ZNF740: variants seen among roughly 807,000 people sequenced by gnomAD.
ZNF740 encodes the protein oriLyt TD-element-binding protein 7.
ZNF740 carries 14 observed loss-of-function variants against 24.8 expected under a neutral mutation model. The ratio of observed to expected loss-of-function variants is 0.56; its 90% CI spans 0.37 to 0.88. The LOEUF (loss-of-function observed/expected upper bound fraction) is 0.88. Ranked by LOEUF, ZNF740 falls within the 40% of genes least tolerant of loss-of-function variation. The pLI, the probability that ZNF740 is intolerant of heterozygous loss-of-function variation, is 0.00. For missense variants in ZNF740, 201 were observed against 247.9 expected (o/e 0.81, Z 1.27); for synonymous variants, 69 against 84.0 (o/e 0.82, Z 0.98).
In ZNF740 at chr12:53,193,451, C is replaced by T; in HGVS notation, c.*5861C>T. The T allele has an allele frequency of 1.0e-6, 1 of 990,992 alleles. No individual in the cohort carries two copies. The highest frequency in any genetic ancestry group is 2.6e-5 in the East Asian group (1 of 37,878). 61.4% of individuals were successfully genotyped at this position (990,992 alleles called of 1,614,324 possible). ...TCCCAGGAACCTCTAAACCCAAGTTCTCAAAAGAGTTGGAGACAGACAAAC... is the reference window on the plus strand; with the variant it reads ...TCCCAGGAACCTCTAAACCCAAGTTTTCAAAAGAGTTGGAGACAGACAAAC... On this transcript the variant is annotated 3_prime_UTR_variant, in exon 7 of 7. Transcript: ENST00000416904.
chr12:53,183,171 C>G (rs921976484), intron 2 of ZNF740, among the ~76,000 whole-genome samples: 3 of 152,228 alleles, frequency 2.0e-5, no homozygotes, highest in African/African-American at 7.2e-5. Flanking sequence ...TGTATTCAGT[C>G]TTCTGAGAAT....
In ZNF740 at chr12:53,186,446, C is replaced by T. The variant is rs1941822843; in HGVS notation, c.429C>T (p.His143=). Residue 143 remains histidine (H), a synonymous_variant, in exon 6 of 7, where the codon CAC becomes CAT. Coordinates refer to ENST00000416904, the MANE Select transcript of ZNF740 (RefSeq NM_001004304.4). Reference sequence around the variant, plus strand: ...ATATGCGTTTCATCCAGAAGTACCACCTGGAACGCCACAAGCGTGTGCACA... The same window carrying T: ...ATATGCGTTTCATCCAGAAGTACCATCTGGAACGCCACAAGCGTGTGCACA... ...ICDMRFIQKY[H]LERHKRVHSG... 1 of 1,593,584 alleles carries T rather than the reference C, an allele frequency of 6.3e-7. No individual in the cohort carries two copies. The highest frequency in any genetic ancestry group is 1.3e-5 in the African/African-American group (1 of 74,750).
Position 53,193,281 on chromosome 12 carries a change from C to G in ZNF740, c.*5691C>G. 1 of 1,613,192 alleles carries G rather than the reference C, an allele frequency of 6.2e-7. No individual in the cohort carries two copies. Among genetic ancestry groups the G allele is most frequent in the Non-Finnish European group, 8.5e-7 (1 of 1,179,302 alleles). ...CACAGGGGCCCTGTGCCATTGGGAG[C>G]CCGGCACCCAGATTCCAGGTCTGGG... On this transcript the variant is annotated 3_prime_UTR_variant, in exon 7 of 7. Coordinates refer to ENST00000416904, the MANE Select transcript of ZNF740 (RefSeq NM_001004304.4).
In ZNF740 at chr12:53,191,877, T is replaced by TTGC. The variant is rs1941962448; in HGVS notation, c.*4292_*4294dup. The TTGC allele has an allele frequency of 1.2e-6, 2 of 1,613,330 alleles. No homozygotes were observed. On this transcript the variant is annotated 3_prime_UTR_variant, in exon 7 of 7. Transcript: ENST00000416904. ...TCCTCACCTGCTTCCAGTTGAGTTG[T>TTGC]TGCTGCTCCTTCTCAAAGCGACTGT...
Position 53,187,791 on chromosome 12 carries a change from C to CATACAGCATTCCT in ZNF740, c.*201_*202insATACAGCATTCCT. 1.8e-6 allele frequency: 1 copy of CATACAGCATTCCT among 560,822 alleles called. No homozygotes were observed. The highest frequency in any genetic ancestry group is 3.2e-6 in the Non-Finnish European group (1 of 311,676). 34.7% of individuals were successfully genotyped at this position (560,822 alleles called of 1,614,324 possible). A position where few individuals can be genotyped will look rare whatever the true frequency, so the allele number is the denominator to read the frequency against. On this transcript the variant is annotated 3_prime_UTR_variant, in exon 7 of 7. Transcript: ENST00000416904. ...AAATAATCTGAGACTATGAGTATCT[C>CATACAGCATTCCT]GGGGAAGTTCTTACAGCATTCCTGG...
chr12:53,181,045 G>A, intron 1 of ZNF740: 1 of 883,652 alleles, frequency 1.1e-6, no homozygotes, highest in Non-Finnish European at 1.4e-6. Context: ...CCCCGGCCCG[G>A]GAGAGGGCTC....
Position 53,191,639 on chromosome 12 carries a change from G to T in ZNF740, c.*4049G>T, listed in dbSNP as rs773654187. 1.2e-6 allele frequency: 2 copies of T among 1,612,082 alleles called. No homozygotes were observed. The highest frequency in any genetic ancestry group is 1.7e-6 in the Non-Finnish European group (2 of 1,178,128). ...CTTTTGTAGAGAGGATTACTGTCCT[G>T]GAGAAAGATGTTGCAGATTATAAGC... On this transcript the variant is annotated 3_prime_UTR_variant, in exon 7 of 7. Coordinates refer to ENST00000416904, the MANE Select transcript of ZNF740 (RefSeq NM_001004304.4).
At chr12:53,184,150 T>TGTGTGCGCGCGCGCGCGC (rs59250662) in intron 2 of ZNF740, among the ~76,000 whole-genome samples, 1 of 104,344 alleles carries the variant, frequency 9.6e-6, no homozygotes, top group African/African-American at 3.7e-5. Context: ...TGTGTGTGTG[T>TGTGTGCGCGCGCGCGCGC]GCGCGCGCGC....
rs1941931622 is a variant in ZNF740, at chr12:53,191,222, C to T, written c.*3632C>T. ...TTCGCGCTTGGGCACCTCTCCCTGCCCTCAGGTGGCAAGAGGAGGATGGAC... is the reference window on the plus strand; with the variant it reads ...TTCGCGCTTGGGCACCTCTCCCTGCTCTCAGGTGGCAAGAGGAGGATGGAC... On this transcript the variant is annotated 3_prime_UTR_variant, in exon 7 of 7. Coordinates refer to ENST00000416904, the MANE Select transcript of ZNF740 (RefSeq NM_001004304.4). 3 of 329,036 alleles carry T rather than the reference C, an allele frequency of 9.1e-6. No individual in the cohort carries two copies. Among genetic ancestry groups the T allele is most frequent in the South Asian group, 9.0e-5 (3 of 33,190 alleles). The allele number at this position is 329,036 out of a possible 1,614,324, so 20.4% of individuals were successfully genotyped here. A position where few individuals can be genotyped will look rare whatever the true frequency, so the allele number is the denominator to read the frequency against.
Position 53,194,138 on chromosome 12 carries a change from C to T in ZNF740, c.*6548C>T. 6.2e-7 allele frequency: 1 copy of T among 1,607,920 alleles called. No homozygotes were observed. Among genetic ancestry groups the T allele is most frequent in the Non-Finnish European group, 8.5e-7 (1 of 1,175,682 alleles). On this transcript the variant is annotated 3_prime_UTR_variant, in exon 7 of 7. Transcript: ENST00000416904. Reference sequence around the variant, plus strand: ...CCTGCCACCCATCTTTTCCTGCCTGCTTAATTTCCCACTCCCACCTCCCCC... The same window carrying T: ...CCTGCCACCCATCTTTTCCTGCCTGTTTAATTTCCCACTCCCACCTCCCCC...
chr12:53,191,200 G>T lies in ZNF740; in HGVS notation c.*3610G>T, dbSNP rs115553618. On this transcript the variant is annotated 3_prime_UTR_variant, in exon 7 of 7. Coordinates refer to ENST00000416904, the MANE Select transcript of ZNF740 (RefSeq NM_001004304.4). ...CACCCCGGGAGTTTCCTGCACATTC[G>T]CGCTTGGGCACCTCTCCCTGCCCTC... 142 of 290,872 alleles carry T rather than the reference G, an allele frequency of 4.9e-4. No individual in the cohort carries two copies. Among genetic ancestry groups the T allele is most frequent in the African/African-American group, 2.9e-3 (135 of 46,508 alleles). 18.0% of individuals were successfully genotyped at this position (290,872 alleles called of 1,614,324 possible). A position where few individuals can be genotyped will look rare whatever the true frequency, so the allele number is the denominator to read the frequency against.
At chr12:53,185,166 G>A in intron 3 of ZNF740, 126 bp downstream of exon 3, 2 of 1,435,420 alleles carry the variant, frequency 1.4e-6, no homozygotes, top group Non-Finnish European at 1.9e-6. Context: ...TCCAACTGGG[G>A]AATGGATGAA....
Position 53,181,730 on chromosome 12 carries a change from A to C in ZNF740, c.-254A>C, listed in dbSNP as rs774949786. 3.9e-6 allele frequency: 2 copies of C among 507,292 alleles called. No individual in the cohort carries two copies. The highest frequency in any genetic ancestry group is 6.6e-6 in the Non-Finnish European group (2 of 301,202). The allele number at this position is 507,292 out of a possible 1,614,324, so 31.4% of individuals were successfully genotyped here. A position where few individuals can be genotyped will look rare whatever the true frequency, so the allele number is the denominator to read the frequency against. ...AAGAGAATTCAACTGGAAAACCAAG[A>C]CTGGTAGACTCTCTTTTTCTTCAGA... On this transcript the variant is annotated 5_prime_UTR_variant, in exon 2 of 7. Coordinates refer to ENST00000416904, the MANE Select transcript of ZNF740 (RefSeq NM_001004304.4).
chr12:53,184,114 G>GTGTGTGTGTGTGTGTGTGT (rs1941762926), intron 2 of ZNF740, among the ~76,000 whole-genome samples: 1 of 123,508 alleles, frequency 8.1e-6, no homozygotes, highest in Non-Finnish European at 1.6e-5. Context: ...GAAGCTAAGG[G>GTGTGTGTGTGTGTGTGTGT]GTGTGTGTGT....
rs369894913 is a variant in ZNF740 at position 53,192,587 on chromosome 12, T to C, written c.*4997T>C. 125 of 1,600,850 alleles carry C rather than the reference T, an allele frequency of 7.8e-5. No individual in the cohort carries two copies. The highest frequency in any genetic ancestry group is 1.0e-4 in the Non-Finnish European group (120 of 1,169,892). On this transcript the variant is annotated 3_prime_UTR_variant, in exon 7 of 7. Coordinates refer to ENST00000416904, the MANE Select transcript of ZNF740 (RefSeq NM_001004304.4). ...TACCAGCTGGGCAGTTGTCACCCAA[T>C]GCCCCTTGCCCAACTACAAGCAGGA...
rs540063898 is a variant in ZNF740, at chr12:53,194,519, C to G, written c.*6929C>G. ...GGAGGGAGGACCCGTGAGAACCTTG[C>G]ATAGAACATACAGGATCCAGAGGCC... On this transcript the variant is annotated 3_prime_UTR_variant, in exon 7 of 7. Coordinates refer to ENST00000416904, the MANE Select transcript of ZNF740 (RefSeq NM_001004304.4). 6.6e-6 allele frequency: 4 copies of G among 606,082 alleles called. No individual in the cohort carries two copies. Among genetic ancestry groups the G allele is most frequent in the South Asian group, 5.8e-5 (3 of 51,800 alleles). The allele number at this position is 606,082 out of a possible 1,614,324, so 37.5% of individuals were successfully genotyped here. A position where few individuals can be genotyped will look rare whatever the true frequency, so the allele number is the denominator to read the frequency against.
intron 1 of ZNF740, 158 bp from the exon 2 acceptor site, chr12:53,181,519 C>T (rs1243683986): frequency 6.1e-6 from 6 of 984,292 alleles, no homozygotes; most frequent in Non-Finnish European, 6.0e-6. Flanking sequence ...CCCAGGAGAC[C>T]AGTTCCTCCT....
In ZNF740 at chr12:53,193,643, GAAT is replaced by G. The variant is rs1239607556; in HGVS notation, c.*6055_*6057del. On this transcript the variant is annotated 3_prime_UTR_variant, in exon 7 of 7. Coordinates refer to ENST00000416904, the MANE Select transcript of ZNF740 (RefSeq NM_001004304.4). ...GTGGGGGGGATGGAAAGCAGCGGAG[GAAT>G]ACGGGCCAGGGTTGGTTGGTTGTTG... 1 of 1,380,704 alleles carries G rather than the reference GAAT, an allele frequency of 7.2e-7. No homozygotes were observed. The highest frequency in any genetic ancestry group is 2.2e-5 in the Admixed American group (1 of 46,338). The allele number at this position is 1,380,704 out of a possible 1,614,324, so 85.5% of individuals were successfully genotyped here.
chr12:53,180,913 G>A, intron 1 of ZNF740, 76 bp downstream of exon 1: 6 of 1,097,280 alleles, frequency 5.5e-6, no homozygotes, highest in Non-Finnish European at 6.8e-6. Context: ...GCCGTGGGGT[G>A]CCGCGCGGGA....
Sources: gnomAD v4.1 joint callset for allele counts (sites outside exome capture counted in the v4.1 genomes callset) on GRCh38, gnomAD v4.1.1 for gene constraint, MANE v1.5 for transcripts, NCBI Gene and HGNC (gene_info 2026-07-23, HGNC 2026-07-21) for gene names.